SFMBT1: variants seen among roughly 807,000 people sequenced by gnomAD.
SFMBT1 encodes Scm like with four mbt domains 1, also known as scm-like with four MBT domains protein 1.
In SFMBT1, 32 loss-of-function variants were observed where a neutral mutation model predicts 108.7. The ratio of observed to expected loss-of-function variants is 0.29; its 90% confidence interval spans 0.22 to 0.40. SFMBT1 has a LOEUF of 0.40. Ranked by LOEUF, SFMBT1 falls within the 10% of genes least tolerant of loss-of-function variation. SFMBT1 has a pLI of 1.00. For synonymous variants in SFMBT1, 348 were observed against 369.5 expected (o/e 0.94, Z 0.67); for missense variants, 816 against 1,059.6 (o/e 0.77, Z 3.19).
In SFMBT1 at chr3:52,932,239, C is replaced by T; in HGVS notation, c.523G>A (p.Asp175Asn). 6.2e-7 allele frequency: 1 copy of T among 1,614,154 alleles called. No individual in the cohort carries two copies. The highest frequency in any genetic ancestry group is 8.5e-7 in the Non-Finnish European group (1 of 1,180,018). ...GTAACAATCCAAGTGCTTAAAGAGT[C>T]CTGGAAAGCTTGACATTCTAGTCTG... Reference protein sequence around the residue: ...GSRLECQAFQDSLSTWIVTVV... With the variant: ...GSRLECQAFQNSLSTWIVTVV... Residue 175 changes from aspartate to asparagine, a missense_variant, in exon 6 of 21, where the codon GAC (aspartate) becomes AAC (asparagine). By Grantham distance (23) the Asp-to-Asn change is conservative. This residue lies in a region of SFMBT1 where 495 missense variants were observed against 607.4 expected (regional missense o/e 0.81). Transcript: ENST00000394752.
intron 1 of SFMBT1, among the ~76,000 whole-genome samples, chr3:53,024,167 T>C (rs1699406727): frequency 6.6e-6 from 1 of 152,154 alleles, no homozygotes; most frequent in Non-Finnish European, 1.5e-5. Flanking sequence ...GGAGAAGGGT[T>C]GAAATTTTAG....
intron 1 of SFMBT1, among the ~76,000 whole-genome samples, chr3:52,978,990 G>A (rs1453468665): frequency 6.6e-6 from 1 of 152,066 alleles, no homozygotes; most frequent in Non-Finnish European, 1.5e-5. Context: ...TATGTACAGG[G>A]TTGCTTTTGG....
At chr3:52,905,632 T>C (rs1286388180) in intron 20 of SFMBT1, among the ~76,000 whole-genome samples, 3 of 152,234 alleles carry the variant, frequency 2.0e-5, no homozygotes, top group African/African-American at 7.2e-5. Context: ...AAGGATTAAC[T>C]ATCAACTTCA....
intron 1 of SFMBT1, among the ~76,000 whole-genome samples, chr3:52,989,297 G>C (rs1474819144): frequency 6.6e-6 from 1 of 151,788 alleles, no homozygotes; most frequent in Non-Finnish European, 1.5e-5. Flanking sequence ...TAATGGTCAT[G>C]TTTTCATGTG....
intron 3 of SFMBT1, among the ~76,000 whole-genome samples, chr3:52,945,462 G>GA (rs1291834577): frequency 2.3e-4 from 35 of 149,448 alleles, no homozygotes; most frequent in Non-Finnish European, 4.3e-4. Context: ...AATAAATATT[G>GA]AAAAAAAAAG....
In SFMBT1 at chr3:52,926,049, G is replaced by C. The variant is rs752989266; in HGVS notation, c.1113C>G (p.Pro371=). Residue 371 remains proline (P), a synonymous_variant, in exon 10 of 21, where the codon CCC becomes CCG. Coordinates refer to ENST00000394752, the MANE Select transcript of SFMBT1 (RefSeq NM_016329.4). ...YLKQCGAEAA[P]QRCFPPLISE... ...TCCTCACCGGAGGGAAGCACCTCTG[G>C]GGAGCAGCTTCAGCACCACACTGTT... is the stretch of plus-strand genomic sequence containing the variant. 3.7e-6 allele frequency: 6 copies of C among 1,606,552 alleles called. No homozygotes were observed. Among genetic ancestry groups the C allele is most frequent in the Middle Eastern group, 1.6e-4 (1 of 6,070 alleles).
Position 52,907,626 on chromosome 3 carries a change from T to C in SFMBT1, c.2014A>G (p.Lys672Glu), listed in dbSNP as rs757493403. The C allele has an allele frequency of 1.2e-6, 2 of 1,614,196 alleles. No individual in the cohort carries two copies. Among genetic ancestry groups the C allele is most frequent in the Admixed American group, 3.3e-5 (2 of 60,014 alleles). Reference protein sequence around the residue: ...KKASKRRKRRKNVFVHKKKRS... With the variant: ...KKASKRRKRRENVFVHKKKRS... ...TTCTTCTTATGAACAAAAACATTTTTCCGCCTCTTTCTCCTCTTACTGGCT... is the reference window on the plus strand; with the variant it reads ...TTCTTCTTATGAACAAAAACATTTTCCCGCCTCTTTCTCCTCTTACTGGCT... Residue 672 changes from lysine to glutamate, a missense_variant, in exon 18 of 21, where the codon AAA (lysine) becomes GAA (glutamate). By Grantham distance (56) the Lys-to-Glu change is moderately conservative. This residue lies in a region of SFMBT1 where 177 missense variants were observed against 182.0 expected (regional missense o/e 0.97). Transcript: ENST00000394752.
chr3:52,955,088 C>T (rs756557484), intron 2 of SFMBT1, among the ~76,000 whole-genome samples: 4 of 152,052 alleles, frequency 2.6e-5, no homozygotes, highest in South Asian at 2.1e-4. Flanking sequence ...GATAGAGACA[C>T]GAAAAACCCT....
At chr3:53,031,228 A>G (rs957381656) in intron 1 of SFMBT1, among the ~76,000 whole-genome samples, 1 of 152,208 alleles carries the variant, frequency 6.6e-6, no homozygotes, top group African/African-American at 2.4e-5. Context: ...CCTGTGGCCC[A>G]TGCACCTGCG....
chr3:53,024,395 A>C (rs1699415539), intron 1 of SFMBT1, among the ~76,000 whole-genome samples: 1 of 152,204 alleles, frequency 6.6e-6, no homozygotes, highest in Non-Finnish European at 1.5e-5. Context: ...CTAAGGAGGA[A>C]GTCTCCTTGG....
intron 2 of SFMBT1, among the ~76,000 whole-genome samples, chr3:52,961,891 A>G (rs1204070255): frequency 6.6e-6 from 1 of 152,224 alleles, no homozygotes; most frequent in Admixed American, 6.5e-5. Flanking sequence ...AAAAATAAGT[A>G]ACAATTAAAA....
rs552176321 is a variant in SFMBT1, at chr3:52,978,298, G to A, written c.-130-9040C>T. 3.9e-5 allele frequency among the ~76,000 whole-genome samples: 6 copies of A among 152,138 alleles called. 1 individual carries two copies. The South Asian group carries it at 1.2e-3, about 32-fold the overall frequency. ...CTAAAGGGAGAGCATGTGAGAGTGA[G>A]CTATGTTCTAGGAATAGCAGGGAGG... On this transcript the variant is annotated intron_variant, in intron 1 of 20. Coordinates refer to ENST00000394752, the MANE Select transcript of SFMBT1 (RefSeq NM_016329.4).
intron 2 of SFMBT1, among the ~76,000 whole-genome samples, chr3:52,966,878 AAG>A (rs1176592960): frequency 1.3e-5 from 2 of 150,992 alleles, no homozygotes; most frequent in Non-Finnish European, 3.0e-5. Flanking sequence ...TTATAAATAA[AAG>A]AGGGTAAAGA....
chr3:52,951,101 G>C (rs1009945491), intron 3 of SFMBT1, among the ~76,000 whole-genome samples: 23 of 109,434 alleles, frequency 2.1e-4, no homozygotes, highest in African/African-American at 8.3e-4. Flanking sequence ...GGGCAACAGA[G>C]CAAGACTCTT....
intron 1 of SFMBT1, among the ~76,000 whole-genome samples, chr3:52,973,087 C>T (rs1704404992): frequency 6.6e-6 from 1 of 152,054 alleles, no homozygotes; most frequent in African/African-American, 2.4e-5. Flanking sequence ...CCCAATGGCT[C>T]ACCCCTGTAG....
intron 4 of SFMBT1, among the ~76,000 whole-genome samples, chr3:52,937,779 C>T (rs1175105116): frequency 1.3e-5 from 2 of 152,234 alleles, no homozygotes; most frequent in East Asian, 3.9e-4. Context: ...GATGGGGTTT[C>T]ACCATGTTGG....
chr3:52,968,035 A>T (rs1171229550), intron 2 of SFMBT1, among the ~76,000 whole-genome samples: 2 of 152,216 alleles, frequency 1.3e-5, no homozygotes, highest in African/African-American at 4.8e-5. Flanking sequence ...CAAAAACTGG[A>T]AACAACCAAA....
chr3:52,928,277 C>T lies in SFMBT1; in HGVS notation c.962G>A (p.Arg321Gln), dbSNP rs762244151. ...ACTGTCGGCGTGGCACACAAAGGAT[C>T]GCCGTGCGTGGTTCTCAGGACGCAA... ...DDLRPENHARRSFVCHADSPG... is the reference protein window; with the variant it reads ...DDLRPENHARQSFVCHADSPG... Residue 321 changes from arginine (R) to glutamine (Q), a missense_variant, in exon 9 of 21, where the codon CGA (arginine) becomes CAA (glutamine). Coordinates refer to ENST00000394752, the MANE Select transcript of SFMBT1 (RefSeq NM_016329.4). 4.3e-6 allele frequency: 7 copies of T among 1,614,054 alleles called. No individual in the cohort carries two copies. Among genetic ancestry groups the T allele is most frequent in the East Asian group, 2.2e-5 (1 of 44,868 alleles).
chr3:52,959,302 A>G (rs565596003), intron 2 of SFMBT1, among the ~76,000 whole-genome samples: 3 of 152,342 alleles, frequency 2.0e-5, no homozygotes, highest in Non-Finnish European at 4.4e-5. Context: ...AACATATTTC[A>G]AATCGAATCA....
Sources: gnomAD v4.1 joint callset for allele counts (sites outside exome capture counted in the v4.1 genomes callset) on GRCh38, gnomAD v4.1.1 for gene constraint, gnomAD v4.1.1 regional missense constraint, MANE v1.5 for transcripts, NCBI Gene and HGNC (gene_info 2026-07-23, HGNC 2026-07-21) for gene names.